Variants in SNRK observed in about 807,000 individuals in gnomAD.
SNRK encodes SNF related kinase.
A neutral mutation model predicts 48.2 loss-of-function variants in SNRK; 3 were observed. The ratio of observed to expected loss-of-function variants is 0.06; its 90% CI spans 0.03 to 0.16. The LOEUF (loss-of-function observed/expected upper bound fraction) is 0.16. SNRK is among the 10% of genes least tolerant of loss of function. The pLI, the probability that SNRK is intolerant of heterozygous loss-of-function variation, is 1.00. For missense variants in SNRK, 627 were observed against 976.0 expected (o/e 0.64, Z 4.76); for synonymous variants, 376 against 366.1 (o/e 1.03, Z -0.31).
chr3:43,343,585 A>T, intron 6 of SNRK, 107 bp downstream of exon 6: 1 of 1,236,070 alleles, frequency 8.1e-7, no homozygotes. Context: ...GAGAGTACAA[A>T]CAGTGATGAC....
chr3:43,316,819 C>A (rs1429848299), intron 3 of SNRK, among the ~76,000 whole-genome samples: 1 of 151,782 alleles, frequency 6.6e-6, no homozygotes, highest in Non-Finnish European at 1.5e-5. Context: ...CTTTCCTCTT[C>A]CCTGAGGAGC....
intron 4 of SNRK, among the ~76,000 whole-genome samples, chr3:43,336,795 A>G (rs2091192925): frequency 1.3e-5 from 2 of 152,030 alleles, no homozygotes; most frequent in South Asian, 4.1e-4. Flanking sequence ...TCTGTTGCCC[A>G]GGCCGGAGTG....
chr3:43,334,100 C>T (rs1015281958), intron 4 of SNRK, among the ~76,000 whole-genome samples: 1 of 151,996 alleles, frequency 6.6e-6, no homozygotes, highest in Admixed American at 6.6e-5. Context: ...GAGCTGAGAT[C>T]ATGCCACTGC....
chr3:43,304,643 T>C (rs1285110534), intron 3 of SNRK, among the ~76,000 whole-genome samples: 1 of 152,200 alleles, frequency 6.6e-6, no homozygotes, highest in African/African-American at 2.4e-5. Flanking sequence ...TGCAGTCAGC[T>C]TTTTAATTTG....
intron 1 of SNRK, among the ~76,000 whole-genome samples, chr3:43,296,400 A>G (rs1427205690): frequency 7.6e-6 from 1 of 130,934 alleles, no homozygotes; most frequent in African/African-American, 2.8e-5. Context: ...TGTTTGTATT[A>G]GATGGATATA....
At chr3:43,324,614 A>G (rs1195233654) in intron 3 of SNRK, among the ~76,000 whole-genome samples, 1 of 152,168 alleles carries the variant, frequency 6.6e-6, no homozygotes, top group Non-Finnish European at 1.5e-5. Context: ...ATGTGTGGTT[A>G]TATTTGAGAG....
At chr3:43,316,300 C>CTGG (rs987064390) in intron 3 of SNRK, among the ~76,000 whole-genome samples, 2 of 151,948 alleles carry the variant, frequency 1.3e-5, no homozygotes, top group African/African-American at 4.8e-5. Context: ...AGGATTTAAA[C>CTGG]TGGTGGCTCT....
chr3:43,299,037 T>C (rs1011559527), intron 1 of SNRK, among the ~76,000 whole-genome samples: 9 of 152,212 alleles, frequency 5.9e-5, no homozygotes, highest in East Asian at 3.9e-4. Flanking sequence ...CTGAGCATGA[T>C]TGGAGCTAGA....
intron 1 of SNRK, among the ~76,000 whole-genome samples, chr3:43,292,758 C>T (rs1052190249): frequency 6.6e-6 from 1 of 152,224 alleles, no homozygotes; most frequent in Non-Finnish European, 1.5e-5. Flanking sequence ...CTGCACCAGT[C>T]CTTGGTGAGC....
Position 43,348,201 on chromosome 3 carries a change from A to G in SNRK, c.1942A>G (p.Lys648Glu), listed in dbSNP as rs547452465. Residue 648 changes from lysine to glutamate, a missense_variant, in exon 7 of 7, where the codon AAA (lysine) becomes GAA (glutamate). Physicochemically the swap from Lys to Glu is moderately conservative, Grantham distance 56. This residue lies in a region of SNRK where 207 missense variants were observed against 234.3 expected (regional missense o/e 0.88). Coordinates refer to ENST00000296088, the MANE Select transcript of SNRK (RefSeq NM_017719.5). ...RSAGELVESLKLMSLCLGSQL... is the reference protein window; with the variant it reads ...RSAGELVESLELMSLCLGSQL... ...TGCTGGGGAGCTCGTTGAGAGCCTC[A>G]AACTCATGAGCCTCTGCCTCGGCTC... 2 of 1,606,464 alleles carry G rather than the reference A, an allele frequency of 1.2e-6. No homozygotes were observed. Among genetic ancestry groups the G allele is most frequent in the African/African-American group, 2.7e-5 (2 of 74,808 alleles).
intron 1 of SNRK, among the ~76,000 whole-genome samples, chr3:43,286,937 C>G (rs979824817): frequency 5.0e-5 from 7 of 138,978 alleles, no homozygotes; most frequent in Non-Finnish European, 1.1e-4. Flanking sequence ...GGAGCCGTCA[C>G]TGCGGCGGCG....
chr3:43,335,810 G>A (rs1427617418), intron 4 of SNRK, among the ~76,000 whole-genome samples: 1 of 152,130 alleles, frequency 6.6e-6, no homozygotes, highest in Non-Finnish European at 1.5e-5. Flanking sequence ...ATGAGGTAAT[G>A]GCCCTCTTTA....
chr3:43,347,425 A>C lies in SNRK; in HGVS notation c.1166A>C (p.Gln389Pro). 6.2e-7 allele frequency: 1 copy of C among 1,614,056 alleles called. No homozygotes were observed. Among genetic ancestry groups the C allele is most frequent in the Middle Eastern group, 1.6e-4 (1 of 6,062 alleles). The change falls in exon 7 of 7, where the codon CAG (glutamine) becomes CCG (proline). Residue 389 changes from glutamine to proline, a missense_variant. Transcript: ENST00000296088. The surrounding 1 kb of genome is among the most constrained non-coding windows in gnomAD (Gnocchi z 5.4). Reference sequence around the variant, plus strand: ...CCTTTGTCCCACGCGACTGTCCCTCAGTCTCCTGCTCGGGCTGCTGACAGT... The same window carrying C: ...CCTTTGTCCCACGCGACTGTCCCTCCGTCTCCTGCTCGGGCTGCTGACAGT... ...ATPLSHATVP[Q>P]SPARAADSVL...
At chr3:43,287,012 C>T (rs2090770371) in intron 1 of SNRK, among the ~76,000 whole-genome samples, 1 of 148,524 alleles carries the variant, frequency 6.7e-6, no homozygotes, top group Non-Finnish European at 1.5e-5. Flanking sequence ...CGGAAGGCGC[C>T]CGCATCCCCG....
At chr3:43,331,118 G>T (rs1289886740) in intron 3 of SNRK, among the ~76,000 whole-genome samples, 2 of 152,146 alleles carry the variant, frequency 1.3e-5, no homozygotes, top group Non-Finnish European at 1.5e-5. Context: ...GATGACAAAG[G>T]CCATGTGGTC....
At chr3:43,302,547 C>G (rs536483864) in intron 2 of SNRK, among the ~76,000 whole-genome samples, 35 of 152,012 alleles carry the variant, frequency 2.3e-4, no homozygotes, top group African/African-American at 7.5e-4. Context: ...AATAAGACCA[C>G]ATAGAATAGA....
rs2091305415 is a variant in SNRK, at chr3:43,349,409, TAGA to T, written c.*857_*859del. The T allele has an allele frequency of 6.6e-6, 1 of 152,580 alleles. No homozygotes were observed. The highest frequency in any genetic ancestry group is 6.5e-5 in the Admixed American group (1 of 15,284). The allele number at this position is 152,580 out of a possible 1,614,324, so 9.5% of individuals were successfully genotyped here. A position where few individuals can be genotyped will look rare whatever the true frequency, so the allele number is the denominator to read the frequency against. On this transcript the variant is annotated 3_prime_UTR_variant, in exon 7 of 7. Transcript: ENST00000296088. The stretch of plus-strand genomic sequence containing the variant: ...GCACACTGCAGGATTTCCATGTAGA[TAGA>T]AGAACTATAGGGCCTAGTACAGAAG...
At chr3:43,335,648 A>G (rs144299897) in intron 4 of SNRK, among the ~76,000 whole-genome samples, 15 of 152,232 alleles carry the variant, frequency 9.9e-5, no homozygotes, top group East Asian at 3.9e-4. Context: ...TACTGGATCT[A>G]TCAGTTACTG....
At chr3:43,335,866 G>C (rs1486969708) in intron 4 of SNRK, among the ~76,000 whole-genome samples, 2 of 152,098 alleles carry the variant, frequency 1.3e-5, no homozygotes, top group African/African-American at 4.8e-5. Context: ...TCTAATTTCA[G>C]CCACACCAGT....
Sources: gnomAD v4.1 joint callset for allele counts (sites outside exome capture counted in the v4.1 genomes callset) on GRCh38, gnomAD v4.1.1 for gene constraint, gnomAD v4.1.1 regional missense constraint, Gnocchi (gnomAD v3.1) non-coding constraint, MANE v1.5 for transcripts, NCBI Gene and HGNC (gene_info 2026-07-23, HGNC 2026-07-21) for gene names.